Variants in NTM observed in about 807,000 individuals in gnomAD.
NTM encodes IgLON family member 2.
Under a neutral mutation model 42.1 loss-of-function variants are expected in NTM, and 13 were observed. That is an observed-to-expected ratio of 0.31 (90% CI 0.20 to 0.49). The LOEUF is 0.49. Ranked by LOEUF, NTM falls within the 20% of genes least tolerant of loss-of-function variation. The pLI, the probability that NTM is intolerant of heterozygous loss-of-function variation, is 0.99. For synonymous variants in NTM, 187 were observed against 179.2 expected (o/e 1.04, Z -0.35); for missense variants, 373 against 452.8 (o/e 0.82, Z 1.60).
chr11:131,588,984 A>G (rs2059123268), intron 1 of NTM, among the ~76,000 whole-genome samples: 1 of 152,212 alleles, frequency 6.6e-6, no homozygotes, highest in South Asian at 2.1e-4. Context: ...ATGGGAGAGT[A>G]GTGGAGCCTC....
chr11:132,264,308 A>G (rs776597298), intron 4 of NTM, among the ~76,000 whole-genome samples: 21 of 152,166 alleles, frequency 1.4e-4, no homozygotes, highest in Non-Finnish European at 2.4e-4. Context: ...TCTTCTGTGA[A>G]TTGCTTGTCC....
chr11:131,791,838 G>A (rs534938857), intron 1 of NTM, among the ~76,000 whole-genome samples: 1 of 152,314 alleles, frequency 6.6e-6, no homozygotes, highest in South Asian at 2.1e-4. Flanking sequence ...GAGGTTCTGA[G>A]CTTAGCTGGT....
chr11:132,191,759 C>T (rs976443148), intron 3 of NTM, among the ~76,000 whole-genome samples: 1 of 152,068 alleles, frequency 6.6e-6, no homozygotes, highest in Non-Finnish European at 1.5e-5. Flanking sequence ...TGTTGAAACC[C>T]AATCCAAGGA....
At chr11:131,496,671 G>A (rs781565283) in intron 1 of NTM, among the ~76,000 whole-genome samples, 1 of 152,170 alleles carries the variant, frequency 6.6e-6, no homozygotes, top group Admixed American at 6.5e-5. Context: ...CTTATTTGGG[G>A]GCATTTAGCT....
intron 1 of NTM, among the ~76,000 whole-genome samples, chr11:131,385,767 A>C (rs114356248): frequency 0.021 from 3,227 of 152,316 alleles, 97 homozygotes; most frequent in African/African-American, 0.071. Context: ...TGAAGTGAGA[A>C]GATTGCCTTG....
At chr11:132,333,166 A>G (rs1007526752) in intron 8 of NTM, among the ~76,000 whole-genome samples, 7 of 151,942 alleles carry the variant, frequency 4.6e-5, no homozygotes, top group African/African-American at 1.7e-4. Flanking sequence ...GAATGTGAAC[A>G]CTCACAGTGT....
chr11:131,462,850 T>C lies in NTM; in HGVS notation c.82+91962T>C, dbSNP rs11222651. On this transcript the variant is annotated intron_variant, in intron 1 of 8. Transcript: ENST00000683400. ...GTGGTCCACCACCTTCTCACTAGAG[T>C]AGGCCCACCTAGGGTGGTCCACCAT... Among the ~76,000 whole-genome samples, 194 of 150,634 alleles carry C rather than the reference T, an allele frequency of 1.3e-3. 2 individuals are homozygous for C. The highest frequency in any genetic ancestry group is 3.7e-3 in the African/African-American group (152 of 40,804).
intron 1 of NTM, among the ~76,000 whole-genome samples, chr11:131,444,203 C>CAAAAAAAAAAAA (rs71475757): frequency 8.1e-5 from 4 of 49,512 alleles, no homozygotes; most frequent in Admixed American, 3.3e-4. Context: ...AGGTTAGAAC[C>CAAAAAAAAAAAA]AAAAAAAAAA....
chr11:132,113,083 G>A (rs562627960), intron 2 of NTM, among the ~76,000 whole-genome samples: 1 of 152,220 alleles, frequency 6.6e-6, no homozygotes, highest in African/African-American at 2.4e-5. Context: ...TTATAGCTGG[G>A]CCCGTCCCTC....
chr11:132,308,417 A>AC (rs2095170211), intron 5 of NTM, among the ~76,000 whole-genome samples: 1 of 152,072 alleles, frequency 6.6e-6, no homozygotes, highest in South Asian at 2.1e-4. Context: ...TGCTGTGTGG[A>AC]CCCCTCATTC....
At chr11:132,193,845 C>A (rs951274912) in intron 3 of NTM, among the ~76,000 whole-genome samples, 1 of 152,072 alleles carries the variant, frequency 6.6e-6, no homozygotes, top group South Asian at 2.1e-4. Flanking sequence ...CACTTCTATG[C>A]ACACAAACTA....
chr11:131,812,116 G>T lies in NTM; in HGVS notation c.83-99448G>T, dbSNP rs556438015. On this transcript the variant is annotated intron_variant, in intron 1 of 8. Transcript: ENST00000683400. ...GAGAACTGACTTTAAAACTCCATTT[G>T]GTCTCTTCCAAACTCATGCCCTCTT... Among the ~76,000 whole-genome samples, 40 of 150,808 alleles carry T rather than the reference G, an allele frequency of 2.7e-4. 1 individual carries two copies. The South Asian group carries it at 8.2e-3, about 31-fold the overall frequency.
intron 1 of NTM, among the ~76,000 whole-genome samples, chr11:131,847,995 C>T (rs1176328283): frequency 3.9e-5 from 6 of 152,122 alleles, no homozygotes; most frequent in African/African-American, 1.4e-4. Context: ...TGGGAAATGT[C>T]CATTATGTAT....
At chr11:131,743,827 G>A (rs888883085) in intron 1 of NTM, among the ~76,000 whole-genome samples, 3 of 152,096 alleles carry the variant, frequency 2.0e-5, no homozygotes, top group Non-Finnish European at 4.4e-5. Flanking sequence ...CCAGTACTTG[G>A]GAGAAGAGCT....
intron 1 of NTM, among the ~76,000 whole-genome samples, chr11:131,559,811 A>T (rs2055984086): frequency 6.6e-6 from 1 of 152,206 alleles, no homozygotes; most frequent in African/African-American, 2.4e-5. Flanking sequence ...GTAAGGGAAC[A>T]TGAGAGGCTC....
chr11:132,222,129 G>A (rs1255556662), intron 4 of NTM, among the ~76,000 whole-genome samples: 1 of 152,120 alleles, frequency 6.6e-6, no homozygotes, highest in Non-Finnish European at 1.5e-5. Context: ...GCAACCTCAG[G>A]CTTCTTCCAG....
At chr11:132,111,863 C>G (rs2063248627) in intron 2 of NTM, among the ~76,000 whole-genome samples, 1 of 152,252 alleles carries the variant, frequency 6.6e-6, no homozygotes, top group Non-Finnish European at 1.5e-5. Context: ...AGATGCTTCA[C>G]CACTAGTTTG....
intron 1 of NTM, among the ~76,000 whole-genome samples, chr11:131,380,219 T>C (rs1942487883): frequency 6.6e-6 from 1 of 150,940 alleles, no homozygotes; most frequent in African/African-American, 2.4e-5. Context: ...AGTCTTTTTT[T>C]TTTTTTTTTT....
chr11:131,542,789 AAG>A (rs962999209), intron 1 of NTM, among the ~76,000 whole-genome samples: 1 of 152,178 alleles, frequency 6.6e-6, no homozygotes, highest in African/African-American at 2.4e-5. Flanking sequence ...GGAAGGAAGA[AAG>A]AGCCTCTGGG....
Sources: allele counts gnomAD v4.1 joint callset (sites outside exome capture counted in the v4.1 genomes callset), GRCh38; gene constraint gnomAD v4.1.1; transcripts MANE v1.5; gene names NCBI Gene and HGNC (gene_info 2026-07-23, HGNC 2026-07-21).